The following SLC39A11 variants were observed in gnomAD, a reference collection of about 807,000 sequenced individuals.
SLC39A11 encodes solute carrier family 39 member 11, also known as zinc transporter ZIP11.
Under a neutral mutation model 36.1 loss-of-function variants are expected in SLC39A11, and 33 were observed. The observed-to-expected ratio is 0.91, with a 90% CI of 0.69 to 1.22. The LOEUF is 1.22. SLC39A11 is among the 50% of genes most tolerant of loss of function. SLC39A11 has a pLI of 0.00. For missense variants in SLC39A11, 432 were observed against 430.3 expected (o/e 1.00, Z -0.03); for synonymous variants, 166 against 170.3 (o/e 0.97, Z 0.20).
chr17:72,902,711 T>C (rs990641490), intron 5 of SLC39A11, among the ~76,000 whole-genome samples: 2 of 152,092 alleles, frequency 1.3e-5, no homozygotes, highest in African/African-American at 4.8e-5. Flanking sequence ...AGGGAAACAA[T>C]AGGCTTAACA....
At chr17:72,675,785 G>A (rs1285618660) in intron 7 of SLC39A11, among the ~76,000 whole-genome samples, 1 of 152,208 alleles carries the variant, frequency 6.6e-6, no homozygotes, top group Non-Finnish European at 1.5e-5. Flanking sequence ...CTGGGTTCAA[G>A]TGATTCTCCT....
At chr17:73,092,485 C>T (rs1320174058) in intron 1 of SLC39A11, 126 bp downstream of exon 1, 1 of 147,596 alleles carries the variant, frequency 6.8e-6, no homozygotes, top group African/African-American at 2.5e-5. Flanking sequence ...CCTCCTCTCT[C>T]CAGGCGTACC....
intron 5 of SLC39A11, among the ~76,000 whole-genome samples, chr17:72,935,576 C>T (rs1162280294): frequency 6.6e-6 from 1 of 152,104 alleles, no homozygotes; most frequent in African/African-American, 2.4e-5. Context: ...TGTCCTTTAT[C>T]ACCTGAGCAA....
chr17:72,963,134 A>G (rs541681413), intron 4 of SLC39A11, among the ~76,000 whole-genome samples: 4 of 151,308 alleles, frequency 2.6e-5, no homozygotes, highest in Non-Finnish European at 5.9e-5. Flanking sequence ...CTTCTAGGGC[A>G]CACACACCAT....
Position 72,721,160 on chromosome 17 carries a change from G to A in SLC39A11, c.671+15490C>T, listed in dbSNP as rs911468698. ...TGCCCAGGCTGAAGCGCAGCAGCGC[G>A]ATCTCGGCTCACTGCAACCTCTGCC... On this transcript the variant is annotated intron_variant, in intron 7 of 9. Coordinates refer to ENST00000255559, the MANE Select transcript of SLC39A11 (RefSeq NM_139177.4). 3.3e-5 allele frequency among the ~76,000 whole-genome samples: 5 copies of A among 150,384 alleles called. No homozygotes were observed. In the East Asian group the frequency reaches 7.9e-4, roughly 24 times the overall value.
At chr17:72,828,861 C>T (rs964949242) in intron 6 of SLC39A11, among the ~76,000 whole-genome samples, 12 of 152,310 alleles carry the variant, frequency 7.9e-5, no homozygotes, top group African/African-American at 2.9e-4. Context: ...TCTGCACCCA[C>T]AGATTTGATG....
chr17:72,945,700 G>A (rs1417475774), intron 5 of SLC39A11, among the ~76,000 whole-genome samples: 1 of 152,106 alleles, frequency 6.6e-6, no homozygotes, highest in Non-Finnish European at 1.5e-5. Flanking sequence ...TCTTGAGCAG[G>A]GGGACTGGGT....
chr17:72,782,862 C>T (rs967504005), intron 6 of SLC39A11, among the ~76,000 whole-genome samples: 10 of 151,332 alleles, frequency 6.6e-5, no homozygotes, highest in Admixed American at 2.0e-4. Context: ...ATTAGCCAGA[C>T]GGGGTGGTGC....
At chr17:72,758,961 G>A (rs116563889) in intron 6 of SLC39A11, among the ~76,000 whole-genome samples, 15,866 of 152,072 alleles carry the variant, frequency 0.1, 947 homozygotes, top group Middle Eastern at 0.16. Flanking sequence ...AAAATTAGCC[G>A]GGTGTGGTGG....
At chr17:72,718,813 T>G (rs1398342270) in intron 7 of SLC39A11, among the ~76,000 whole-genome samples, 1 of 152,202 alleles carries the variant, frequency 6.6e-6, no homozygotes, top group African/African-American at 2.4e-5. Context: ...AGAGGAAGTT[T>G]ATTCGTGGGC....
rs145701111 is a variant in SLC39A11 at position 73,049,984 on chromosome 17, G to A, written c.148-18270C>T. 2.4e-3 allele frequency among the ~76,000 whole-genome samples: 359 copies of A among 152,208 alleles called. 3 individuals are homozygous for A. The highest frequency in any genetic ancestry group is 8.0e-3 in the African/African-American group (334 of 41,524). On this transcript the variant is annotated intron_variant, in intron 3 of 9. Transcript: ENST00000255559. ...CTAAAAATACAAAAATTAGCCGGGC[G>A]GAGTGGCACGTCTGTAATCCCAGCT...
At chr17:73,025,505 C>T (rs746240723) in intron 4 of SLC39A11, among the ~76,000 whole-genome samples, 19 of 152,172 alleles carry the variant, frequency 1.2e-4, no homozygotes, top group African/African-American at 2.7e-4. Context: ...TACTCAACCA[C>T]GGAGAGATGG....
At chr17:73,006,244 A>G (rs2090174150) in intron 4 of SLC39A11, among the ~76,000 whole-genome samples, 1 of 152,234 alleles carries the variant, frequency 6.6e-6, no homozygotes, top group Non-Finnish European at 1.5e-5. Context: ...ATGAGCATAC[A>G]TAATTTTCAT....
intron 7 of SLC39A11, among the ~76,000 whole-genome samples, chr17:72,728,281 T>C (rs2074014460): frequency 6.6e-6 from 1 of 151,968 alleles, no homozygotes. Flanking sequence ...CTACAAAAAA[T>C]ACAACAATTA....
At chr17:72,734,126 A>C (rs2074333832) in intron 7 of SLC39A11, among the ~76,000 whole-genome samples, 1 of 151,968 alleles carries the variant, frequency 6.6e-6, no homozygotes, top group Non-Finnish European at 1.5e-5. Flanking sequence ...TTTTGTCCCT[A>C]TCCTCCCATG....
At chr17:73,004,207 GAAAGAAAGAAA>G (rs2090029156) in intron 4 of SLC39A11, among the ~76,000 whole-genome samples, 2 of 126,768 alleles carry the variant, frequency 1.6e-5, no homozygotes, top group Admixed American at 8.3e-5. Flanking sequence ...AAGAAAGAAA[GAAAGAAAGAAA>G]GAAAGAAAGA....
At chr17:72,776,623 A>AAC (rs1555668754) in intron 6 of SLC39A11, among the ~76,000 whole-genome samples, 2 of 151,142 alleles carry the variant, frequency 1.3e-5, no homozygotes, top group Non-Finnish European at 3.0e-5. Flanking sequence ...AAAAAAAAAA[A>AAC]AAAAAACAGA....
intron 7 of SLC39A11, among the ~76,000 whole-genome samples, chr17:72,729,418 TATATATATATATATATATATATATA>T (rs1567994239): frequency 0.028 from 85 of 3,054 alleles, 3 homozygotes; most frequent in Non-Finnish European, 0.043. Context: ...TATATATATA[TATATATATATATATATATATATATA>T]TATATATATA....
intron 7 of SLC39A11, among the ~76,000 whole-genome samples, chr17:72,698,879 G>A (rs74549876): frequency 0.1 from 15,639 of 152,150 alleles, 903 homozygotes; most frequent in African/African-American, 0.15. Flanking sequence ...CGCCCAGGCT[G>A]GAGTGCAGTG....
Sources: allele counts gnomAD v4.1 joint callset (sites outside exome capture counted in the v4.1 genomes callset), GRCh38; gene constraint gnomAD v4.1.1; transcripts MANE v1.5; gene names NCBI Gene and HGNC (gene_info 2026-07-23, HGNC 2026-07-21).